The following CNTN4 variants were observed in gnomAD, a reference collection of about 807,000 sequenced individuals.
CNTN4 encodes the protein contactin 4.
A neutral mutation model predicts 122.5 loss-of-function variants in CNTN4; 77 were observed. The ratio of observed to expected loss-of-function variants is 0.63; its 90% CI spans 0.52 to 0.76. CNTN4 has a LOEUF of 0.76. CNTN4 is among the 30% of genes least tolerant of loss of function. The probability of loss-of-function intolerance (pLI) is 0.00; values close to 1 mark genes in which losing one functional copy is unlikely to be tolerated. For synonymous variants in CNTN4, 512 were observed against 447.0 expected, an observed-to-expected ratio of 1.15 and a Z score of -1.83; for missense variants, 1,256 against 1,259.1, an observed-to-expected ratio of 1.00 and a Z score of 0.04.
chr3:2,503,284 A>C (rs2076644297), intron 3 of CNTN4, among the ~76,000 whole-genome samples: 1 of 152,150 alleles, frequency 6.6e-6, no homozygotes, highest in Admixed American at 6.6e-5. Context: ...ATAGATGGAT[A>C]GTTATATGAC....
chr3:2,704,655 A>G (rs1039153034), intron 4 of CNTN4, among the ~76,000 whole-genome samples: 3 of 152,196 alleles, frequency 2.0e-5, no homozygotes, highest in African/African-American at 7.2e-5. Flanking sequence ...ACAGATTACT[A>G]TTCCCACTCC....
At chr3:2,806,604 T>A (rs1211135225) in intron 6 of CNTN4, among the ~76,000 whole-genome samples, 1 of 152,240 alleles carries the variant, frequency 6.6e-6, no homozygotes, top group Non-Finnish European at 1.5e-5. Context: ...TTCTCCCACT[T>A]CTTCAGCAGC....
chr3:2,370,851 C>T (rs183209071), intron 3 of CNTN4, among the ~76,000 whole-genome samples: 57 of 152,304 alleles, frequency 3.7e-4, no homozygotes, highest in African/African-American at 1.2e-3. Context: ...CCACCTCCCT[C>T]TTTTGGTGGA....
intron 14 of CNTN4, among the ~76,000 whole-genome samples, chr3:3,020,356 TA>T (rs1240075900): frequency 3.9e-5 from 6 of 152,102 alleles, no homozygotes; most frequent in Non-Finnish European, 8.8e-5. Flanking sequence ...AGGGCACGTG[TA>T]AAAAAGACAA....
chr3:3,055,166 AT>A (rs1356284514), intron 24 of CNTN4, among the ~76,000 whole-genome samples: 4 of 152,182 alleles, frequency 2.6e-5, no homozygotes, highest in African/African-American at 9.7e-5. Context: ...ATTATACTTT[AT>A]CAAACAAAGC....
At chr3:2,958,450 C>A (rs2094822249) in intron 13 of CNTN4, among the ~76,000 whole-genome samples, 1 of 152,154 alleles carries the variant, frequency 6.6e-6, no homozygotes, top group South Asian at 2.1e-4. Flanking sequence ...CATGGCAGCC[C>A]AACCAGCACC....
At chr3:2,369,013 C>T (rs1254279662) in intron 3 of CNTN4, among the ~76,000 whole-genome samples, 8 of 152,088 alleles carry the variant, frequency 5.3e-5, no homozygotes, top group African/African-American at 1.9e-4. Flanking sequence ...CAACCTCCGC[C>T]TCCCAGGTTC....
chr3:2,857,249 G>A (rs911925696), intron 7 of CNTN4, among the ~76,000 whole-genome samples: 1 of 152,170 alleles, frequency 6.6e-6, no homozygotes, highest in African/African-American at 2.4e-5. Flanking sequence ...CTGAGACTGG[G>A]CATTGAACTT....
chr3:2,133,437 A>G lies in CNTN4; in HGVS notation c.-145+32798A>G, dbSNP rs1033481525. ...GTTGCTAGCAGAGGACTAGAATAAG[A>G]TAATGATGGTATTTTGCAAATAGTG... On this transcript the variant is annotated intron_variant, in intron 2 of 24. Coordinates refer to ENST00000418658, the MANE Select transcript of CNTN4 (RefSeq NM_175607.3). 2.6e-5 allele frequency among the ~76,000 whole-genome samples: 4 copies of G among 152,326 alleles called. No homozygotes were observed. In the South Asian group the frequency reaches 8.3e-4, roughly 32 times the overall value.
At chr3:2,202,798 T>A (rs1394875713) in intron 2 of CNTN4, among the ~76,000 whole-genome samples, 1 of 151,974 alleles carries the variant, frequency 6.6e-6, no homozygotes, top group African/African-American at 2.4e-5. Context: ...AACCGGAGAA[T>A]TGCCATGTGT....
chr3:2,233,434 G>T (rs2039564530), intron 2 of CNTN4, among the ~76,000 whole-genome samples: 1 of 152,104 alleles, frequency 6.6e-6, no homozygotes, highest in Non-Finnish European at 1.5e-5. Context: ...GATATATTCT[G>T]CATTCTCCGT....
chr3:2,670,806 C>T (rs1408335471), intron 4 of CNTN4, among the ~76,000 whole-genome samples: 3 of 152,168 alleles, frequency 2.0e-5, no homozygotes, highest in Admixed American at 6.6e-5. Context: ...CAAAATCTCT[C>T]AGCATTTGCT....
At chr3:2,733,092 G>A (rs543885573) in intron 4 of CNTN4, among the ~76,000 whole-genome samples, 27 of 152,292 alleles carry the variant, frequency 1.8e-4, no homozygotes, top group Middle Eastern at 6.8e-3. Context: ...CAGTACAGAT[G>A]TTAATCCACA....
rs183126018 is a variant in CNTN4 at position 2,514,703 on chromosome 3, T to C, written c.-88-56713T>C. Among the ~76,000 whole-genome samples the C allele has an allele frequency of 2.6e-5, 4 of 152,230 alleles. No homozygotes were observed. In the East Asian group the frequency reaches 7.8e-4, roughly 30 times the overall value. The stretch of plus-strand genomic sequence containing the variant: ...CTCAATAGCCCCCAGTAAAATGAAG[T>C]ATGATTTCTGTGATCCTTCCGAGGT... On this transcript the variant is annotated intron_variant, in intron 3 of 24. Transcript: ENST00000418658.
intron 13 of CNTN4, among the ~76,000 whole-genome samples, chr3:2,941,434 A>G (rs1306806714): frequency 6.6e-6 from 1 of 152,160 alleles, no homozygotes; most frequent in African/African-American, 2.4e-5. Context: ...CACTCCTGCC[A>G]CCAGTCTCCA....
intron 7 of CNTN4, among the ~76,000 whole-genome samples, chr3:2,822,790 T>C (rs920327176): frequency 3.9e-5 from 6 of 152,150 alleles, no homozygotes; most frequent in Non-Finnish European, 8.8e-5. Context: ...TCCATAGACA[T>C]CTACTGAAAT....
intron 3 of CNTN4, among the ~76,000 whole-genome samples, chr3:2,465,361 T>C (rs1171420753): frequency 6.6e-6 from 1 of 152,158 alleles, no homozygotes; most frequent in Admixed American, 6.5e-5. Flanking sequence ...ATGTGAGTGA[T>C]GCCTTCTTCG....
intron 3 of CNTN4, among the ~76,000 whole-genome samples, chr3:2,427,331 C>A (rs1432147912): frequency 2.0e-5 from 3 of 152,068 alleles, no homozygotes; most frequent in Admixed American, 2.0e-4. Context: ...CGTTATGTAC[C>A]CAGTAGTCAT....
rs533426097 is a variant in CNTN4, at chr3:2,655,237, GT to G, written c.56-80976del. Among the ~76,000 whole-genome samples the G allele has an allele frequency of 2.2e-3, 328 of 152,288 alleles. 1 individual carries two copies. Among genetic ancestry groups the G allele is most frequent in the African/African-American group, 7.6e-3 (314 of 41,576 alleles). On this transcript the variant is annotated intron_variant, in intron 4 of 24. Transcript: ENST00000418658. ...TTTTGAATCATTAACTCTGAAGAAA[GT>G]TCAGGAATGTTAGACTTGGGAGATT...
Sources: allele counts gnomAD v4.1 joint callset (sites outside exome capture counted in the v4.1 genomes callset), GRCh38; gene constraint gnomAD v4.1.1; transcripts MANE v1.5; gene names NCBI Gene and HGNC (gene_info 2026-07-23, HGNC 2026-07-21).